The following PTPRK variants were observed in gnomAD, a reference collection of about 807,000 sequenced individuals.
PTPRK encodes receptor-type tyrosine-protein phosphatase kappa.
A neutral mutation model predicts 178.0 loss-of-function variants in PTPRK; 75 were observed. The ratio of observed to expected loss-of-function variants is 0.42; its 90% CI spans 0.35 to 0.51. PTPRK has a LOEUF of 0.51. Among genes scored for constraint, PTPRK ranks in the 20% least tolerant of loss-of-function variants. PTPRK has a pLI of 0.02. For missense variants in PTPRK, 1,441 were observed against 1,797.8 expected (o/e 0.80, Z 3.59); for synonymous variants, 637 against 620.6 (o/e 1.03, Z -0.39).
chr6:128,350,086 G>A (rs541672495), intron 2 of PTPRK, among the ~76,000 whole-genome samples: 1 of 152,146 alleles, frequency 6.6e-6, no homozygotes, highest in East Asian at 1.9e-4. Flanking sequence ...CCATGTCTAT[G>A]GACTGATACA....
intron 3 of PTPRK, among the ~76,000 whole-genome samples, chr6:128,269,338 C>T (rs1049732322): frequency 1.3e-5 from 2 of 151,478 alleles, no homozygotes; most frequent in Non-Finnish European, 1.5e-5. Flanking sequence ...AAAGACAATC[C>T]CAGCAGCCAA....
intron 1 of PTPRK, among the ~76,000 whole-genome samples, chr6:128,423,916 T>C (rs1221927259): frequency 1.3e-5 from 2 of 151,738 alleles, no homozygotes; most frequent in African/African-American, 4.8e-5. Flanking sequence ...AAATAATATG[T>C]GGTGCAAAAA....
At chr6:128,436,916 C>T (rs1463816535) in intron 1 of PTPRK, among the ~76,000 whole-genome samples, 6 of 152,140 alleles carry the variant, frequency 3.9e-5, no homozygotes, top group Non-Finnish European at 8.8e-5. Context: ...CAGAGATCTG[C>T]TGTACAACGT....
At chr6:128,423,377 C>T (rs1362068457) in intron 1 of PTPRK, among the ~76,000 whole-genome samples, 1 of 151,792 alleles carries the variant, frequency 6.6e-6, no homozygotes, top group East Asian at 1.9e-4. Flanking sequence ...TTTGTTGAAT[C>T]TATATTTGTT....
chr6:128,241,781 C>CT (rs930513368), intron 4 of PTPRK, among the ~76,000 whole-genome samples: 18,591 of 132,120 alleles, frequency 0.14, 1,955 homozygotes, highest in East Asian at 0.4. Flanking sequence ...TGTTTGCTTT[C>CT]TTTTTTTTTT....
In PTPRK at chr6:127,982,979, T is replaced by C; in HGVS notation, c.3389A>G (p.Glu1130Gly). 6.2e-7 allele frequency: 1 copy of C among 1,606,054 alleles called. No individual in the cohort carries two copies. The highest frequency in any genetic ancestry group is 2.2e-5 in the East Asian group (1 of 44,764). ...GGCATCATGAATAAAAATGTACTGTTCCTACCAAAAGAATGAAAAAGAAAA... is the reference window on the plus strand; with the variant it reads ...GGCATCATGAATAAAAATGTACTGTCCCTACCAAAAGAATGAAAAAGAAAA... ...SRRINMVQTE[E>G]QYIFIHDAIL... The change falls in exon 24 of 30, where the codon GAA (glutamate) becomes GGA (glycine). Residue 1130 changes from glutamate (E) to glycine (G), a missense_variant and splice_region_variant. Coordinates refer to ENST00000368226, the MANE Select transcript of PTPRK (RefSeq NM_002844.4).
chr6:128,176,131 C>T (rs1801032697), intron 7 of PTPRK, among the ~76,000 whole-genome samples: 1 of 151,732 alleles, frequency 6.6e-6, no homozygotes, highest in African/African-American at 2.4e-5. Flanking sequence ...AAATTAATTC[C>T]TCTTAAAAGG....
At chr6:128,429,250 A>G (rs1844532503) in intron 1 of PTPRK, among the ~76,000 whole-genome samples, 2 of 152,190 alleles carry the variant, frequency 1.3e-5, no homozygotes, top group South Asian at 4.1e-4. Context: ...TATGGTCACG[A>G]AGTCTAAACT....
At position 128,067,787 on chromosome 6, in the gene PTPRK, T is replaced by A; in HGVS notation, c.1889A>T (p.Tyr630Phe). ...AQAKGAPISA[Y>F]QIVVEELHPH... ...GTGCAGTTCTTCCACAACAATCTGA[T>A]AAGCACTTTGGGGAAAAGAAAAAAA... is the stretch of plus-strand genomic sequence containing the variant. The change falls in exon 12 of 30, where the codon TAT becomes TTT. Residue 630 changes from tyrosine (Y) to phenylalanine (F), a missense_variant. This residue lies in a region of PTPRK where 945 missense variants were observed against 1,080.6 expected (regional missense o/e 0.87). Coordinates refer to ENST00000368226, the MANE Select transcript of PTPRK (RefSeq NM_002844.4). The A allele has an allele frequency of 6.3e-7, 1 of 1,590,924 alleles. No homozygotes were observed. The highest frequency in any genetic ancestry group is 1.3e-5 in the African/African-American group (1 of 74,126).
At chr6:128,004,940 T>C in intron 15 of PTPRK, 144 bp downstream of exon 15, 1 of 689,906 alleles carries the variant, frequency 1.4e-6, no homozygotes. Context: ...GTAAATTCCA[T>C]AATATTCTCC....
chr6:128,480,310 G>T (rs1421707897), intron 1 of PTPRK, among the ~76,000 whole-genome samples: 2 of 152,068 alleles, frequency 1.3e-5, no homozygotes, highest in African/African-American at 4.8e-5. Context: ...GTGAAAACCT[G>T]AGCTCTTCTT....
intron 2 of PTPRK, among the ~76,000 whole-genome samples, chr6:128,337,640 G>C (rs1304926021): frequency 6.6e-6 from 1 of 152,180 alleles, no homozygotes; most frequent in Non-Finnish European, 1.5e-5. Flanking sequence ...TACTCTAACA[G>C]ATACCATTTC....
At chr6:128,048,922 G>A (rs1287762479) in intron 13 of PTPRK, among the ~76,000 whole-genome samples, 1 of 151,986 alleles carries the variant, frequency 6.6e-6, no homozygotes, top group African/African-American at 2.4e-5. Flanking sequence ...AAAAGCAAAG[G>A]CTTTACTCTA....
At chr6:128,361,404 G>C (rs987441028) in intron 2 of PTPRK, among the ~76,000 whole-genome samples, 1 of 151,976 alleles carries the variant, frequency 6.6e-6, no homozygotes, top group Non-Finnish European at 1.5e-5. Flanking sequence ...GATTCTATGC[G>C]AGCACACTGG....
chr6:128,308,277 A>G (rs1826734714), intron 3 of PTPRK, among the ~76,000 whole-genome samples: 1 of 152,046 alleles, frequency 6.6e-6, no homozygotes, highest in South Asian at 2.1e-4. Context: ...AAAATACTAC[A>G]TTCCTTAGGA....
chr6:128,440,165 G>A (rs1295201483), intron 1 of PTPRK, among the ~76,000 whole-genome samples: 1 of 152,162 alleles, frequency 6.6e-6, no homozygotes, highest in East Asian at 1.9e-4. Context: ...GGGCAAGGGG[G>A]TTCTGGAACA....
chr6:128,219,397 C>T (rs1054382748), intron 5 of PTPRK, among the ~76,000 whole-genome samples: 2 of 152,156 alleles, frequency 1.3e-5, no homozygotes, highest in African/African-American at 2.4e-5. Context: ...TTCTCACAGG[C>T]ACTCACAGCC....
chr6:128,382,143 C>G (rs559169844), intron 2 of PTPRK, among the ~76,000 whole-genome samples: 2 of 107,948 alleles, frequency 1.9e-5, no homozygotes, highest in Non-Finnish European at 3.6e-5. Context: ...CAGAGCAATA[C>G]CCTATCTCAA....
At chr6:128,450,877 T>C (rs1039906580) in intron 1 of PTPRK, among the ~76,000 whole-genome samples, 6 of 152,332 alleles carry the variant, frequency 3.9e-5, no homozygotes, top group Non-Finnish European at 7.4e-5. Flanking sequence ...ATGGGTTGTT[T>C]ATCTCAAGGA....
Sources: allele counts gnomAD v4.1 joint callset (sites outside exome capture counted in the v4.1 genomes callset), GRCh38; gene constraint gnomAD v4.1.1; regional missense constraint gnomAD v4.1.1; transcripts MANE v1.5; gene names NCBI Gene and HGNC (gene_info 2026-07-23, HGNC 2026-07-21).